GPR39: variants seen among roughly 807,000 people sequenced by gnomAD.
GPR39 encodes the protein G protein-coupled receptor 39, also known as zinc sensing receptor.
GPR39 carries 23 observed loss-of-function variants against 18.4 expected under a neutral mutation model. The ratio of observed to expected loss-of-function variants is 1.25; its 90% CI spans 0.90 to 1.77. GPR39 has a LOEUF of 1.77. Among genes scored for constraint, GPR39 ranks in the 40% most tolerant of loss-of-function variants. The probability of loss-of-function intolerance (pLI) is 0.00; values close to 1 mark genes in which losing one functional copy is unlikely to be tolerated. For synonymous variants in GPR39, 280 were observed against 257.9 expected, an observed-to-expected ratio of 1.09 and a Z score of -0.82; for missense variants, 647 against 602.4, an observed-to-expected ratio of 1.07 and a Z score of -0.78.
chr2:132,458,707 A>T (rs1342601439), intron 1 of GPR39, among the ~76,000 whole-genome samples: 1 of 151,768 alleles, frequency 6.6e-6, no homozygotes, highest in African/African-American at 2.4e-5. Flanking sequence ...TTTTCCCCCC[A>T]GGCCATTTGT....
At chr2:132,544,669 G>T (rs908239571) in intron 1 of GPR39, among the ~76,000 whole-genome samples, 7 of 152,198 alleles carry the variant, frequency 4.6e-5, no homozygotes, top group Non-Finnish European at 1.0e-4. Flanking sequence ...AGTTGGGCTG[G>T]GTGTGCACCA....
chr2:132,498,131 C>T (rs918581812), intron 1 of GPR39, among the ~76,000 whole-genome samples: 1 of 152,020 alleles, frequency 6.6e-6, no homozygotes, highest in East Asian at 1.9e-4. Context: ...ACAGATAATG[C>T]TTGATTACAT....
chr2:132,571,684 G>A (rs955350864), intron 1 of GPR39, among the ~76,000 whole-genome samples: 2 of 152,118 alleles, frequency 1.3e-5, no homozygotes, highest in African/African-American at 4.8e-5. Context: ...CCTACTGGGT[G>A]CACCATCTGG....
At chr2:132,431,308 G>T (rs1680220700) in intron 1 of GPR39, among the ~76,000 whole-genome samples, 2 of 152,212 alleles carry the variant, frequency 1.3e-5, no homozygotes, top group South Asian at 4.1e-4. Context: ...CTTAAGCCAG[G>T]ACTCCTTATT....
intron 1 of GPR39, among the ~76,000 whole-genome samples, chr2:132,577,126 TG>T (rs529417425): frequency 1.1e-4 from 16 of 151,646 alleles, no homozygotes; most frequent in African/African-American, 3.4e-4. Context: ...GAGGCTGAGG[TG>T]GGGGGTATCA....
intron 1 of GPR39, among the ~76,000 whole-genome samples, chr2:132,640,662 T>C (rs546311110): frequency 6.6e-6 from 1 of 152,116 alleles, no homozygotes; most frequent in Non-Finnish European, 1.5e-5. Context: ...CAAATCCAAA[T>C]TGTGATTGCA....
At chr2:132,495,045 G>A (rs1009712543) in intron 1 of GPR39, among the ~76,000 whole-genome samples, 1 of 152,142 alleles carries the variant, frequency 6.6e-6, no homozygotes, top group African/African-American at 2.4e-5. Context: ...GGAGATTTCA[G>A]CTTTGTTGGA....
At chr2:132,451,330 G>T (rs890994491) in intron 1 of GPR39, among the ~76,000 whole-genome samples, 10 of 152,136 alleles carry the variant, frequency 6.6e-5, no homozygotes, top group African/African-American at 2.4e-4. Flanking sequence ...TTGGCATTAT[G>T]TTGTACAGTT....
At chr2:132,639,986 A>AG (rs1202675445) in intron 1 of GPR39, among the ~76,000 whole-genome samples, 1 of 152,108 alleles carries the variant, frequency 6.6e-6, no homozygotes, top group Non-Finnish European at 1.5e-5. Flanking sequence ...TGTTCTAAGT[A>AG]GTATGACCAC....
chr2:132,533,936 G>A (rs995659863), intron 1 of GPR39, among the ~76,000 whole-genome samples: 8 of 152,290 alleles, frequency 5.3e-5, no homozygotes, highest in African/African-American at 1.9e-4. Flanking sequence ...GCATGGGCAA[G>A]GACTTCATGT....
intron 1 of GPR39, among the ~76,000 whole-genome samples, chr2:132,471,343 C>T (rs1033160270): frequency 6.6e-6 from 1 of 151,522 alleles, no homozygotes; most frequent in Non-Finnish European, 1.5e-5. Flanking sequence ...GGATATAGAC[C>T]TGTTCTACTG....
chr2:132,583,910 G>A (rs1680675840), intron 1 of GPR39, among the ~76,000 whole-genome samples: 1 of 152,016 alleles, frequency 6.6e-6, no homozygotes, highest in Non-Finnish European at 1.5e-5. Context: ...AGAGAATCAG[G>A]TGAGAACTAT....
intron 1 of GPR39, among the ~76,000 whole-genome samples, chr2:132,470,717 G>C (rs563624017): frequency 2.7e-4 from 40 of 148,286 alleles, no homozygotes; most frequent in Non-Finnish European, 4.2e-4. Context: ...GAGAGGGGCT[G>C]TCTATCCCAG....
At chr2:132,534,240 G>A (rs949397246) in intron 1 of GPR39, among the ~76,000 whole-genome samples, 8 of 151,998 alleles carry the variant, frequency 5.3e-5, no homozygotes, top group Non-Finnish European at 1.2e-4. Context: ...ATGAAAAAAT[G>A]TTCATCATCA....
At chr2:132,533,837 T>C (rs1470693455) in intron 1 of GPR39, among the ~76,000 whole-genome samples, 17 of 152,106 alleles carry the variant, frequency 1.1e-4, no homozygotes, top group Non-Finnish European at 2.4e-4. Context: ...ATACAAAAAT[T>C]AATTCAAGAT....
intron 1 of GPR39, among the ~76,000 whole-genome samples, chr2:132,530,530 A>C (rs1558828448): frequency 6.6e-6 from 1 of 152,094 alleles, no homozygotes; most frequent in Non-Finnish European, 1.5e-5. Context: ...CCTTGAGAAG[A>C]CCAACTCCAA....
intron 1 of GPR39, among the ~76,000 whole-genome samples, chr2:132,429,450 C>T (rs564435162): frequency 9.8e-5 from 15 of 152,330 alleles, no homozygotes; most frequent in South Asian, 2.1e-4. Flanking sequence ...CTTTTTGAGT[C>T]CTGCTTCCTC....
intron 1 of GPR39, among the ~76,000 whole-genome samples, chr2:132,585,370 G>T (rs1418857762): frequency 6.6e-6 from 1 of 152,048 alleles, no homozygotes; most frequent in Non-Finnish European, 1.5e-5. Flanking sequence ...GTCACCTCCT[G>T]CCCACAAGGT....
At position 132,515,098 on chromosome 2, in the gene GPR39, T is replaced by G. The variant is rs114326949; in HGVS notation, c.856+97200T>G. On this transcript the variant is annotated intron_variant, in intron 1 of 1. Coordinates refer to ENST00000329321, the MANE Select transcript of GPR39 (RefSeq NM_001508.3). ...ATTGTCCCCACCCAGATCATTCATT[T>G]ATTGGTGGCAGGGGCCAGTTCTGGT... 7.2e-3 allele frequency among the ~76,000 whole-genome samples: 1,092 copies of G among 152,344 alleles called. 17 individuals are homozygous for G. The highest frequency in any genetic ancestry group is 0.023 in the African/African-American group (967 of 41,592).
Sources: allele counts gnomAD v4.1 joint callset (sites outside exome capture counted in the v4.1 genomes callset), GRCh38; gene constraint gnomAD v4.1.1; transcripts MANE v1.5; gene names NCBI Gene and HGNC (gene_info 2026-07-23, HGNC 2026-07-21).